The following NHS variants were observed in gnomAD, a reference collection of about 807,000 sequenced individuals.
The protein encoded by NHS is actin remodeling regulator NHS.
Under a neutral mutation model 72.5 loss-of-function variants are expected in NHS, and 5 were observed. That is an observed-to-expected ratio of 0.07 (90% confidence interval 0.04 to 0.14). The LOEUF (loss-of-function observed/expected upper bound fraction) is 0.14, where lower values mean the gene tolerates loss of function less well. Ranked by LOEUF, NHS falls within the 10% of genes least tolerant of loss-of-function variation. NHS has a pLI of 1.00. For synonymous variants in NHS, 464 were observed against 547.7 expected (o/e 0.85, Z 2.13); for missense variants, 1,072 against 1,355.7 (o/e 0.79, Z 3.29).
chrX:17,425,801 C>G (rs1009440363), intron 1 of NHS: 6 of 111,772 alleles, frequency 5.4e-5, no homozygotes, highest in African/African-American at 2.0e-4. Context: ...GTGGATTCCA[C>G]CTCTCAGTGC....
In NHS at chrX:17,563,803, A is replaced by C. The variant is rs1042134404; in HGVS notation, c.566-123939A>C. 2.5e-4 allele frequency among the ~76,000 whole-genome samples: 26 copies of C among 103,740 alleles called. 1 individual carries two copies. Among genetic ancestry groups the C allele is most frequent in the Admixed American group, 1.6e-3 (15 of 9,652 alleles). The allele number at this position is 103,740 out of a possible 115,157, so 90.1% of individuals were successfully genotyped here. A position where few individuals can be genotyped will look rare whatever the true frequency, so the allele number is the denominator to read the frequency against. ...CAAACGTATGTGATGGAGTGGGTGGACGGGTGGGGGAGGTGGAGAGGAAAG... is the reference window on the plus strand; with the variant it reads ...CAAACGTATGTGATGGAGTGGGTGGCCGGGTGGGGGAGGTGGAGAGGAAAG... On this transcript the variant is annotated intron_variant, in intron 1 of 8. Coordinates refer to ENST00000676302, the MANE Select transcript of NHS (RefSeq NM_001291867.2).
chrX:17,502,511 C>T (rs199678310), intron 1 of NHS, among the ~76,000 whole-genome samples: 1 of 18,788 alleles, frequency 5.3e-5, no homozygotes, highest in African/African-American at 1.4e-4. Flanking sequence ...CAGGGTTGGC[C>T]GGGCGCGGTG....
intron 1 of NHS, among the ~76,000 whole-genome samples, chrX:17,581,173 C>T (rs2065541751): frequency 9.0e-6 from 1 of 111,713 alleles, no homozygotes; most frequent in South Asian, 3.8e-4. Context: ...CTCCAATATC[C>T]CTCTTCACAG....
At chrX:17,496,776 A>T (rs930315304) in intron 1 of NHS, among the ~76,000 whole-genome samples, 17 of 111,906 alleles carry the variant, frequency 1.5e-4, no homozygotes, top group African/African-American at 4.9e-4. Flanking sequence ...ATTTTGCAGG[A>T]CTGTTGTCTT....
At chrX:17,721,332 T>C (rs184414161) in intron 4 of NHS, 109 bp from the exon 5 acceptor site, 126 of 702,278 alleles carry the variant, frequency 1.8e-4, no homozygotes, top group Non-Finnish European at 2.7e-4. Flanking sequence ...TCCTTTGTCC[T>C]AAGGGCCTAT....
chrX:17,413,235 T>A (rs2146860346), intron 1 of NHS, among the ~76,000 whole-genome samples: 1 of 112,548 alleles, frequency 8.9e-6, no homozygotes, highest in East Asian at 2.8e-4. Flanking sequence ...AATAAATATG[T>A]TCCATTTTCT....
chrX:17,527,713 A>C (rs779806249), intron 1 of NHS, among the ~76,000 whole-genome samples: 1 of 111,941 alleles, frequency 8.9e-6, no homozygotes, highest in Non-Finnish European at 1.9e-5. Context: ...TTAGTATCCA[A>C]GTTTAAGGAA....
intron 1 of NHS, among the ~76,000 whole-genome samples, chrX:17,420,337 T>G (rs1200436711): frequency 8.9e-6 from 1 of 111,936 alleles, no homozygotes; most frequent in South Asian, 3.8e-4. Flanking sequence ...CATGCACTTA[T>G]CCAAGAATCC....
chrX:17,673,429 C>T (rs116818819), intron 1 of NHS, among the ~76,000 whole-genome samples: 1,658 of 111,373 alleles, frequency 0.015, 28 homozygotes, highest in African/African-American at 0.05. Flanking sequence ...AGATCTTGGG[C>T]CTTGGAATCA....
In NHS at chrX:17,726,986, T is replaced by C. The variant is rs139819422; in HGVS notation, c.2880T>C (p.Tyr960=). The C allele has an allele frequency of 9.1e-6, 11 of 1,210,363 alleles. No homozygotes were observed. Among genetic ancestry groups the C allele is most frequent in the African/African-American group, 7.0e-5 (4 of 57,210 alleles). Residue 960 remains tyrosine (Y), a synonymous_variant, in exon 7 of 9, where the codon TAT becomes TAC. Transcript: ENST00000676302. ...ATGACTTGAAAACAAATGATCCTTA[T>C]AGATCTCTATCTAATTCAAGCACCG... ...LLNDLKTNDP[Y]RSLSNSSTAT... is the part of the protein sequence containing the mutation.
At chrX:17,519,129 A>G (rs1341162759) in intron 1 of NHS, among the ~76,000 whole-genome samples, 5 of 112,012 alleles carry the variant, frequency 4.5e-5, no homozygotes, top group Non-Finnish European at 9.4e-5. Context: ...GTGCTGCACG[A>G]ATGCCTCCTG....
chrX:17,550,456 A>AT (rs1307712243), intron 1 of NHS, among the ~76,000 whole-genome samples: 5 of 112,217 alleles, frequency 4.5e-5, no homozygotes, highest in African/African-American at 1.6e-4. Context: ...GGATTTTGCT[A>AT]TTGCTTAGCC....
intron 3 of NHS, among the ~76,000 whole-genome samples, chrX:17,694,990 G>C (rs1001864691): frequency 4.5e-5 from 5 of 112,255 alleles, no homozygotes; most frequent in African/African-American, 1.3e-4. Flanking sequence ...TGATGTTTTA[G>C]AAATAAGATT....
intron 5 of NHS, among the ~76,000 whole-genome samples, chrX:17,723,464 A>G: frequency 8.9e-6 from 1 of 112,152 alleles, no homozygotes. Context: ...GAAACTAACA[A>G]GCACCATGGT....
intron 1 of NHS, among the ~76,000 whole-genome samples, chrX:17,637,323 C>T (rs1356899799): frequency 1.8e-5 from 2 of 111,906 alleles, no homozygotes; most frequent in South Asian, 3.7e-4. Flanking sequence ...TAGAATAGCT[C>T]GACCCAGTTT....
Position 17,728,609 on chromosome X carries a change from G to C in NHS, c.4223-40G>C, listed in dbSNP as rs374875031. ...GTCAGTGAAGTACAGTAGCGTGCTG[G>C]GTAACTTCCTCTTAAAGATTCTTCT... is the stretch of plus-strand genomic sequence containing the variant. On this transcript the variant is annotated intron_variant, in intron 7 of 8. Transcript: ENST00000676302. The C allele has an allele frequency of 7.5e-6, 9 of 1,202,742 alleles. No individual in the cohort carries two copies. The African/African-American group carries it at 1.6e-4, about 21-fold the overall frequency.
chrX:17,630,273 C>T (rs1024759316), intron 1 of NHS, among the ~76,000 whole-genome samples: 4 of 104,114 alleles, frequency 3.8e-5, no homozygotes, highest in Non-Finnish European at 7.8e-5. Flanking sequence ...CACCCAATCT[C>T]ATCCGAAACC....
At chrX:17,645,766 G>A (rs2065903217) in intron 1 of NHS, among the ~76,000 whole-genome samples, 1 of 111,912 alleles carries the variant, frequency 8.9e-6, no homozygotes, top group Non-Finnish European at 1.9e-5. Flanking sequence ...CGAATCATCT[G>A]TTTTCTCTGT....
intron 4 of NHS, 94 bp from the exon 5 acceptor site, chrX:17,721,347 G>T: frequency 2.3e-6 from 2 of 882,688 alleles, no homozygotes; most frequent in South Asian, 4.2e-5. Context: ...GCCTATTTCT[G>T]ACCTCATTTT....
Sources: allele counts gnomAD v4.1 joint callset (sites outside exome capture counted in the v4.1 genomes callset), GRCh38; gene constraint gnomAD v4.1.1; transcripts MANE v1.5; gene names NCBI Gene and HGNC (gene_info 2026-07-23, HGNC 2026-07-21).